Variants in DROSHA observed in about 807,000 individuals in gnomAD.
The protein encoded by DROSHA is ribonuclease 3.
A neutral mutation model predicts 181.9 loss-of-function variants in DROSHA; 56 were observed. That is an observed-to-expected ratio of 0.31 (90% CI 0.25 to 0.38). The LOEUF (loss-of-function observed/expected upper bound fraction) is 0.38. Among genes scored for constraint, DROSHA ranks in the 10% least tolerant of loss-of-function variants. DROSHA has a pLI of 1.00. For synonymous variants in DROSHA, 524 were observed against 591.2 expected (o/e 0.89, Z 1.65); for missense variants, 1,218 against 1,743.5 (o/e 0.70, Z 5.37).
chr5:31,509,507 A>G (rs1738410276), intron 9 of DROSHA, among the ~76,000 whole-genome samples: 1 of 152,196 alleles, frequency 6.6e-6, no homozygotes, highest in Admixed American at 6.5e-5. Flanking sequence ...GAGAAGCATG[A>G]TAAGGAGGAG....
chr5:31,507,945 G>A (rs1488175856), intron 10 of DROSHA, among the ~76,000 whole-genome samples: 3 of 152,080 alleles, frequency 2.0e-5, no homozygotes, highest in African/African-American at 7.2e-5. Flanking sequence ...CAAGAACCAG[G>A]AGAAAAGCAT....
At chr5:31,473,511 G>A (rs1027490251) in intron 16 of DROSHA, among the ~76,000 whole-genome samples, 6 of 152,000 alleles carry the variant, frequency 3.9e-5, no homozygotes, top group South Asian at 2.1e-4. Context: ...AACAGCCACC[G>A]TTCTAGGCCC....
rs929007985 is a variant in DROSHA, at chr5:31,428,372, C to A, written c.3216+1103G>T. ...AGAGCAAAGAGGTTGCTGAAATGAC[C>A]CACAAAAGGTGAAGGCCAGAACAAA... On this transcript the variant is annotated intron_variant, in intron 27 of 35. Coordinates refer to ENST00000344624, the MANE Select transcript of DROSHA (RefSeq NM_001382508.1). Among the ~76,000 whole-genome samples the A allele has an allele frequency of 2.0e-5, 3 of 152,084 alleles. No homozygotes were observed. In the South Asian group the frequency reaches 6.2e-4, roughly 32 times the overall value.
intron 4 of DROSHA, among the ~76,000 whole-genome samples, chr5:31,527,874 C>G (rs1740786656): frequency 6.6e-6 from 1 of 152,248 alleles, no homozygotes; most frequent in Non-Finnish European, 1.5e-5. Flanking sequence ...TCTAATCCGA[C>G]TTCAGCTTCC....
In DROSHA at chr5:31,436,393, C is replaced by CT. The variant is rs5867078; in HGVS notation, c.2943-530dup. On this transcript the variant is annotated intron_variant, in intron 24 of 35. Coordinates refer to ENST00000344624, the MANE Select transcript of DROSHA (RefSeq NM_001382508.1). The stretch of plus-strand genomic sequence containing the variant: ...GCAAAACACTTTCCTGCCCCTATTC[C>CT]TTTTTTTTTTTTTTTTTGAGACAGA... Among the ~76,000 whole-genome samples the CT allele has an allele frequency of 4.9e-3, 657 of 133,108 alleles. 8 individuals are homozygous for CT. Among genetic ancestry groups the CT allele is most frequent in the Non-Finnish European group, 6.2e-3 (391 of 63,118 alleles). The allele number at this position is 133,108 out of a possible 152,430, so 87.3% of individuals were successfully genotyped here.
At chr5:31,449,179 TGAAA>T (rs1380709081) in intron 22 of DROSHA, 98 bp downstream of exon 22, 5 of 1,437,880 alleles carry the variant, frequency 3.5e-6, no homozygotes, top group Admixed American at 2.3e-5. Flanking sequence ...TATGAGACGG[TGAAA>T]GAGTCACCCA....
At chr5:31,413,194 T>C (rs1741530196) in intron 30 of DROSHA, among the ~76,000 whole-genome samples, 1 of 152,192 alleles carries the variant, frequency 6.6e-6, no homozygotes, top group Non-Finnish European at 1.5e-5. Context: ...TCAGAAGTGC[T>C]TCCAGTTTTA....
intron 30 of DROSHA, among the ~76,000 whole-genome samples, chr5:31,420,082 C>T (rs533628097): frequency 6.6e-6 from 1 of 152,242 alleles, no homozygotes; most frequent in Non-Finnish European, 1.5e-5. Context: ...TGAAAAATGA[C>T]ATCTAAACAG....
intron 6 of DROSHA, 96 bp downstream of exon 6, chr5:31,521,027 C>T: frequency 4.2e-6 from 5 of 1,195,330 alleles, no homozygotes; most frequent in Non-Finnish European, 6.1e-6. Flanking sequence ...GACTCTGAGG[C>T]CATTATGAAG....
intron 20 of DROSHA, among the ~76,000 whole-genome samples, chr5:31,456,137 T>A (rs1302609686): frequency 6.6e-6 from 1 of 152,150 alleles, no homozygotes; most frequent in Non-Finnish European, 1.5e-5. Context: ...TCTTGAGGAA[T>A]GTTTTAGAAA....
At chr5:31,440,197 C>T (rs1459275239) in intron 23 of DROSHA, among the ~76,000 whole-genome samples, 1 of 152,190 alleles carries the variant, frequency 6.6e-6, no homozygotes, top group African/African-American at 2.4e-5. Flanking sequence ...GGGAGGCCGA[C>T]CCTAAGTACT....
chr5:31,530,145 C>A (rs769023549), intron 3 of DROSHA, among the ~76,000 whole-genome samples: 27 of 151,844 alleles, frequency 1.8e-4, no homozygotes, highest in Admixed American at 3.3e-4. Context: ...TTTTAAGACA[C>A]AAAGTCTACT....
chr5:31,407,983 A>G (rs953756243), intron 33 of DROSHA, among the ~76,000 whole-genome samples: 1 of 152,192 alleles, frequency 6.6e-6, no homozygotes, highest in African/African-American at 2.4e-5. Flanking sequence ...TTTTCCCCCA[A>G]TAAATAAAGG....
Position 31,411,004 on chromosome 5 carries a change from G to T in DROSHA, c.3526-117C>A, listed in dbSNP as rs1741245896. 4 of 1,434,644 alleles carry T rather than the reference G, an allele frequency of 2.8e-6. No individual in the cohort carries two copies. The highest frequency in any genetic ancestry group is 1.4e-5 in the African/African-American group (1 of 70,566). 88.9% of individuals were successfully genotyped at this position (1,434,644 alleles called of 1,614,324 possible). A position where few individuals can be genotyped will look rare whatever the true frequency, so the allele number is the denominator to read the frequency against. On this transcript the variant is annotated intron_variant, in intron 30 of 35. Coordinates refer to ENST00000344624, the MANE Select transcript of DROSHA (RefSeq NM_001382508.1). This position sits in a 1 kb window ranked among gnomAD's most constrained non-coding sequence, Gnocchi z 4.2. ...CACTGACAGGGACACCAAAATAAGT[G>T]AGGTCTATGGCCTCAACCATCACCC...
In DROSHA at chr5:31,401,410, C is replaced by T. The variant is rs1739980006; in HGVS notation, c.*22G>A. On this transcript the variant is annotated 3_prime_UTR_variant, in exon 36 of 36. Transcript: ENST00000344624. ...GTCACAGTTACTGAGCAAGTAAATA[C>T]TCCACACTTGCATGCCCTCCTTTAT... is the stretch of plus-strand genomic sequence containing the variant. The T allele has an allele frequency of 2.5e-6, 4 of 1,607,804 alleles. No individual in the cohort carries two copies. In the South Asian group the frequency reaches 3.3e-5, roughly 13 times the overall value.
intron 16 of DROSHA, among the ~76,000 whole-genome samples, chr5:31,481,754 A>G (rs1012005415): frequency 1.3e-5 from 2 of 152,190 alleles, no homozygotes; most frequent in Admixed American, 6.5e-5. Context: ...AAATCTTGAG[A>G]AAAATCTAAA....
At chr5:31,481,657 A>G (rs1362517303) in intron 16 of DROSHA, among the ~76,000 whole-genome samples, 2 of 152,246 alleles carry the variant, frequency 1.3e-5, no homozygotes, top group African/African-American at 4.8e-5. Context: ...ATAAACATGA[A>G]CAGTAATACT....
intron 4 of DROSHA, 29 bp from the exon 5 acceptor site, chr5:31,526,941 G>GT: frequency 1.3e-6 from 2 of 1,585,158 alleles, no homozygotes; most frequent in Non-Finnish European, 1.7e-6. Flanking sequence ...AAAGGGAAAA[G>GT]TTTTTTTAAA....
intron 16 of DROSHA, among the ~76,000 whole-genome samples, chr5:31,477,189 C>T (rs1750475852): frequency 6.6e-6 from 1 of 152,118 alleles, no homozygotes; most frequent in Non-Finnish European, 1.5e-5. Context: ...TAAACTGTTT[C>T]TTAGAGACCC....
Sources: allele counts gnomAD v4.1 joint callset (sites outside exome capture counted in the v4.1 genomes callset), GRCh38; gene constraint gnomAD v4.1.1; non-coding constraint Gnocchi (gnomAD v3.1); transcripts MANE v1.5; gene names NCBI Gene and HGNC (gene_info 2026-07-23, HGNC 2026-07-21).